The following TTC29 variants were observed in gnomAD, a reference collection of about 807,000 sequenced individuals.
TTC29 encodes tetratricopeptide repeat protein 29.
In TTC29, 49 loss-of-function variants were observed where a neutral mutation model predicts 58.1. The observed-to-expected ratio is 0.84, with a 90% CI of 0.67 to 1.07. TTC29 has a LOEUF of 1.07. TTC29 is among the 50% of genes least tolerant of loss of function. The pLI, the probability that TTC29 is intolerant of heterozygous loss-of-function variation, is 0.00. For missense variants in TTC29, 582 were observed against 555.6 expected (o/e 1.05, Z -0.48); for synonymous variants, 209 against 196.8 (o/e 1.06, Z -0.52).
At chr4:146,883,683 G>T (rs1299794188) in intron 6 of TTC29, among the ~76,000 whole-genome samples, 1 of 152,010 alleles carries the variant, frequency 6.6e-6, no homozygotes, top group Non-Finnish European at 1.5e-5. Flanking sequence ...TGGGCTCGGT[G>T]CAACTATTCA....
At chr4:146,717,008 A>C (rs549983664) in intron 11 of TTC29, among the ~76,000 whole-genome samples, 3 of 152,310 alleles carry the variant, frequency 2.0e-5, no homozygotes, top group South Asian at 4.1e-4. Context: ...GCCGCACTTC[A>C]GACCTAGTAA....
intron 11 of TTC29, among the ~76,000 whole-genome samples, chr4:146,708,505 A>G (rs73855632): frequency 0.045 from 6,725 of 150,672 alleles, 467 homozygotes; most frequent in African/African-American, 0.14. Flanking sequence ...ATATGACTTC[A>G]TTTATCATAT....
intron 11 of TTC29, among the ~76,000 whole-genome samples, chr4:146,767,035 G>A (rs1257181881): frequency 6.6e-6 from 1 of 152,012 alleles, no homozygotes; most frequent in Non-Finnish European, 1.5e-5. Flanking sequence ...TAGCAACTTG[G>A]TATTATAGAT....
chr4:146,893,278 C>T (rs76091734), intron 6 of TTC29, among the ~76,000 whole-genome samples: 96,739 of 151,442 alleles, frequency 0.64, 32,814 homozygotes, highest in African/African-American at 0.87. Flanking sequence ...TGACTTCAAA[C>T]TATACTACAA....
intron 4 of TTC29, among the ~76,000 whole-genome samples, chr4:146,915,880 T>G (rs1416179460): frequency 6.6e-6 from 1 of 151,924 alleles, no homozygotes; most frequent in African/African-American, 2.4e-5. Context: ...AACAAGATCA[T>G]AAAATTTTCA....
Position 146,762,153 on chromosome 4 carries a change from A to G in TTC29, c.1330+41304T>C, listed in dbSNP as rs1579617021. ...AGGGCTTTGACTGCTTGAAAAATAG[A>G]ACTGATCTTGAATCCACAGAGCTCC... On this transcript the variant is annotated intron_variant, in intron 11 of 12. Coordinates refer to ENST00000325106, the MANE Select transcript of TTC29 (RefSeq NM_031956.4). Among the ~76,000 whole-genome samples, 5 of 152,030 alleles carry G rather than the reference A, an allele frequency of 3.3e-5. No individual in the cohort carries two copies. In the South Asian group the frequency reaches 1.0e-3, roughly 32 times the overall value.
At chr4:146,794,743 G>A (rs1749716622) in intron 11 of TTC29, among the ~76,000 whole-genome samples, 1 of 152,002 alleles carries the variant, frequency 6.6e-6, no homozygotes, top group African/African-American at 2.4e-5. Context: ...TGGTAATAAT[G>A]CAAAATATAC....
chr4:146,919,594 T>C (rs990453097), intron 4 of TTC29, among the ~76,000 whole-genome samples: 4 of 151,110 alleles, frequency 2.6e-5, no homozygotes, highest in Non-Finnish European at 5.9e-5. Context: ...CTCCATAGAA[T>C]ATGATATTCA....
At chr4:146,795,183 C>CCTT (rs934175497) in intron 11 of TTC29, among the ~76,000 whole-genome samples, 5 of 152,036 alleles carry the variant, frequency 3.3e-5, no homozygotes, top group Admixed American at 2.6e-4. Context: ...ATTGGTTAGT[C>CCTT]CTTTTAATAT....
intron 11 of TTC29, among the ~76,000 whole-genome samples, chr4:146,714,646 A>C (rs1011232913): frequency 2.6e-5 from 4 of 152,106 alleles, no homozygotes; most frequent in Non-Finnish European, 5.9e-5. Flanking sequence ...CCCACTGAAA[A>C]TATCTTTTAA....
At chr4:146,877,041 T>C (rs910733571) in intron 6 of TTC29, among the ~76,000 whole-genome samples, 12 of 151,384 alleles carry the variant, frequency 7.9e-5, no homozygotes, top group Non-Finnish European at 1.8e-4. Flanking sequence ...GAAGGGGCAA[T>C]GTGTACTGCA....
intron 4 of TTC29, among the ~76,000 whole-genome samples, chr4:146,919,290 T>A (rs957479229): frequency 6.6e-6 from 1 of 151,114 alleles, no homozygotes; most frequent in Non-Finnish European, 1.5e-5. Flanking sequence ...ACTTCTCTAC[T>A]ATAGAAAAAC....
At chr4:146,742,706 C>T (rs1307357846) in intron 11 of TTC29, among the ~76,000 whole-genome samples, 2 of 129,002 alleles carry the variant, frequency 1.6e-5, no homozygotes, top group African/African-American at 2.9e-5. Context: ...CCCCTCCCCC[C>T]TTCCCCTTCC....
chr4:146,809,187 C>CA (rs1212431480), intron 10 of TTC29, among the ~76,000 whole-genome samples: 1 of 149,598 alleles, frequency 6.7e-6, no homozygotes, highest in East Asian at 2.0e-4. Flanking sequence ...TAGCCATATG[C>CA]AAAAAACTGA....
intron 10 of TTC29, among the ~76,000 whole-genome samples, chr4:146,808,079 T>C (rs1348625701): frequency 6.6e-6 from 1 of 152,080 alleles, no homozygotes; most frequent in East Asian, 1.9e-4. Flanking sequence ...GCAAAGCTGG[T>C]TCAACATACG....
At chr4:146,871,572 T>A (rs545233518) in intron 7 of TTC29, among the ~76,000 whole-genome samples, 1 of 152,022 alleles carries the variant, frequency 6.6e-6, no homozygotes, top group South Asian at 2.1e-4. Flanking sequence ...TTGCAAGCTA[T>A]AAGATCAATA....
chr4:146,818,876 T>C (rs1751622527), intron 10 of TTC29, among the ~76,000 whole-genome samples: 1 of 151,890 alleles, frequency 6.6e-6, no homozygotes, highest in South Asian at 2.1e-4. Context: ...TAGATGGGAA[T>C]TGAACAATGA....
Position 146,803,702 on chromosome 4 carries a change from A to C in TTC29, c.1102-17T>G. ...GTAGTATCCCTAAAAAGGTAAGAGA[A>C]ATAATTTTCTTTCTTACTTTTAATG... On this transcript the variant is annotated splice_polypyrimidine_tract_variant and intron_variant, in intron 10 of 12. Coordinates refer to ENST00000325106, the MANE Select transcript of TTC29 (RefSeq NM_031956.4). 1 of 1,523,420 alleles carries C rather than the reference A, an allele frequency of 6.6e-7. No individual in the cohort carries two copies. The highest frequency in any genetic ancestry group is 8.9e-7 in the Non-Finnish European group (1 of 1,128,300). The allele number at this position is 1,523,420 out of a possible 1,614,324, so 94.4% of individuals were successfully genotyped here.
rs562353441 is a variant in TTC29 at position 146,789,283 on chromosome 4, A to T, written c.1330+14174T>A. Reference sequence around the variant, plus strand: ...TGCATTACCACCTTAAAATACTGAAAAATTCAAGAAACTTAAGGACAGCTC... The same window carrying T: ...TGCATTACCACCTTAAAATACTGAATAATTCAAGAAACTTAAGGACAGCTC... On this transcript the variant is annotated intron_variant, in intron 11 of 12. Transcript: ENST00000325106. 3.3e-5 allele frequency among the ~76,000 whole-genome samples: 5 copies of T among 152,280 alleles called. No individual in the cohort carries two copies. The South Asian group carries it at 8.3e-4, about 25-fold the overall frequency.
Sources: gnomAD v4.1 joint callset for allele counts (sites outside exome capture counted in the v4.1 genomes callset) on GRCh38, gnomAD v4.1.1 for gene constraint, MANE v1.5 for transcripts, NCBI Gene and HGNC (gene_info 2026-07-23, HGNC 2026-07-21) for gene names.